Variants in FDPS observed in about 807,000 individuals in gnomAD.
FDPS encodes farnesyl diphosphate synthase, also known as farnesyl pyrophosphate synthase.
A neutral mutation model predicts 49.5 loss-of-function variants in FDPS; 29 were observed. The observed-to-expected ratio is 0.59, with a 90% CI of 0.44 to 0.80. FDPS has a LOEUF of 0.80. Among genes scored for constraint, FDPS ranks in the 30% least tolerant of loss-of-function variants. FDPS has a pLI of 0.00. For missense variants in FDPS, 414 were observed against 525.6 expected (o/e 0.79, Z 2.08); for synonymous variants, 172 against 206.4 (o/e 0.83, Z 1.43).
chr1:155,308,981 T>C lies in FDPS; in HGVS notation c.-2+16T>C, dbSNP rs958165336. ...CTGGGAACAGGTGAGAGAGGATGTG[T>C]GCTGGGCCTTGGAGGAAGGGGGCCG... On this transcript the variant is annotated intron_variant, in intron 1 of 10. Coordinates refer to ENST00000368356, the MANE Select transcript of FDPS (RefSeq NM_002004.4). The C allele has an allele frequency of 6.5e-6, 1 of 152,766 alleles. No individual in the cohort carries two copies. The highest frequency in any genetic ancestry group is 1.5e-5 in the Non-Finnish European group (1 of 68,434). The allele number at this position is 152,766 out of a possible 1,614,324, so 9.5% of individuals were successfully genotyped here. A position where few individuals can be genotyped will look rare whatever the true frequency, so the allele number is the denominator to read the frequency against.
At chr1:155,316,170 G>A (rs1475742437) in intron 4 of FDPS, among the ~76,000 whole-genome samples, 4 of 150,906 alleles carry the variant, frequency 2.7e-5, no homozygotes, top group African/African-American at 7.3e-5. Context: ...CAGGAGAATC[G>A]CGTGAACCCG....
intron 3 of FDPS, among the ~76,000 whole-genome samples, chr1:155,310,676 TACTC>T (rs1277956274): frequency 6.6e-6 from 1 of 152,150 alleles, no homozygotes; most frequent in Non-Finnish European, 1.5e-5. Flanking sequence ...CAAGTATACT[TACTC>T]AGTCCATCAA....
At chr1:155,312,553 T>G in intron 4 of FDPS, 158 bp downstream of exon 4, 2 of 732,140 alleles carry the variant, frequency 2.7e-6, no homozygotes, top group Non-Finnish European at 4.5e-6. Context: ...CTCCAAGGGT[T>G]AACTAATGTG....
intron 4 of FDPS, among the ~76,000 whole-genome samples, chr1:155,313,853 C>T (rs1649044188): frequency 6.6e-6 from 1 of 152,012 alleles, no homozygotes; most frequent in Admixed American, 6.6e-5. Context: ...GAGTCTCTCT[C>T]TGTTGCCCAG....
chr1:155,320,075 C>A, intron 10 of FDPS, 147 bp downstream of exon 10: 1 of 917,306 alleles, frequency 1.1e-6, no homozygotes, highest in Non-Finnish European at 1.7e-6. Context: ...TGTGTGTGTG[C>A]ATGTGGTACA....
In FDPS at chr1:155,318,207, C is replaced by G; in HGVS notation, c.600C>G (p.Leu200=). The change falls in exon 6 of 11, where the codon CTC becomes CTG. Residue 200 remains leucine (L), a synonymous_variant. Transcript: ENST00000368356. This position sits in a 1 kb window ranked among gnomAD's most constrained non-coding sequence, Gnocchi z 4.2. ...VGLDAINDAN[L]LEACIYRLLK... is the part of the protein sequence containing the mutation. Reference sequence around the variant, plus strand: ...TGGATGCCATCAATGATGCTAACCTCCTGGAAGCATGTATCTACCGCCTGC... The same window carrying G: ...TGGATGCCATCAATGATGCTAACCTGCTGGAAGCATGTATCTACCGCCTGC... 1 of 1,614,058 alleles carries G rather than the reference C, an allele frequency of 6.2e-7. No individual in the cohort carries two copies. Among genetic ancestry groups the G allele is most frequent in the South Asian group, 1.1e-5 (1 of 91,082 alleles).
rs528642232 is a variant in FDPS at position 155,309,167 on chromosome 1, C to G, written c.-2+202C>G. 2.6e-5 allele frequency: 4 copies of G among 152,766 alleles called. No homozygotes were observed. In the South Asian group the frequency reaches 8.3e-4, roughly 32 times the overall value. The allele number at this position is 152,766 out of a possible 1,614,324, so 9.5% of individuals were successfully genotyped here. ...TCCTGGAATCCCCAATATGCCCGGA[C>G]CCCGGTTTACTCCTTTGCTGCGAGC... On this transcript the variant is annotated intron_variant, in intron 1 of 10. Coordinates refer to ENST00000368356, the MANE Select transcript of FDPS (RefSeq NM_002004.4).
At chr1:155,315,493 C>A (rs1032036319) in intron 4 of FDPS, among the ~76,000 whole-genome samples, 1 of 152,116 alleles carries the variant, frequency 6.6e-6, no homozygotes, top group Non-Finnish European at 1.5e-5. Context: ...TCCTGGCTAA[C>A]ATGGTGAAAC....
chr1:155,318,712 C>T lies in FDPS; in HGVS notation c.732C>T (p.Ala244=), dbSNP rs777463568. ...GGCAGACCCTGGACCTCCTCACAGC[C>T]CCCCAGGGCAATGTGGATCTTGTCA... ...EIGQTLDLLT[A]PQGNVDLVRF... is the part of the protein sequence containing the mutation. The change falls in exon 7 of 11, where the codon GCC becomes GCT. Residue 244 remains alanine (A), a synonymous_variant. Transcript: ENST00000368356. The surrounding 1 kb of genome is among the most constrained non-coding windows in gnomAD (Gnocchi z 4.2). 7 of 1,613,656 alleles carry T rather than the reference C, an allele frequency of 4.3e-6. No individual in the cohort carries two copies. The South Asian group carries it at 5.5e-5, about 13-fold the overall frequency.
At position 155,309,962 on chromosome 1, in the gene FDPS, C is replaced by T. The variant is rs545636677; in HGVS notation, c.173C>T (p.Pro58Leu). The T allele has an allele frequency of 1.0e-5, 16 of 1,607,674 alleles. No individual in the cohort carries two copies. The highest frequency in any genetic ancestry group is 3.3e-5 in the South Asian group (3 of 90,844). The stretch of plus-strand genomic sequence containing the variant: ...TGGTGCCAAGCGTGGACAGAGGAAC[C>T]TCGGTGAGTGTGGTTGGGGTGAGGG... ...RCWCQAWTEE[P>L]RALCSSLRMN... is the part of the protein sequence containing the mutation. Residue 58 changes from proline to leucine, a missense_variant, in exon 2 of 11, where the codon CCT (proline) becomes CTT (leucine). By Grantham distance (98) the Pro-to-Leu change is moderately conservative. Coordinates refer to ENST00000368356, the MANE Select transcript of FDPS (RefSeq NM_002004.4).
At chr1:155,316,251 A>G (rs371901507) in intron 4 of FDPS, among the ~76,000 whole-genome samples, 1 of 152,164 alleles carries the variant, frequency 6.6e-6, no homozygotes, top group African/African-American at 2.4e-5. Context: ...GTGAAACTCC[A>G]TCTCAAAAAC....
At chr1:155,312,448 G>A in intron 4 of FDPS, 53 bp downstream of exon 4, 1 of 1,574,842 alleles carries the variant, frequency 6.3e-7, no homozygotes, top group East Asian at 2.3e-5. Flanking sequence ...TGGTGACTTG[G>A]GTGGGAAGGG....
At chr1:155,316,018 G>A (rs1649345628) in intron 4 of FDPS, among the ~76,000 whole-genome samples, 1 of 152,174 alleles carries the variant, frequency 6.6e-6, no homozygotes, top group Non-Finnish European at 1.5e-5. Flanking sequence ...ACTTTGGGAG[G>A]CCAAGGTGGA....
At chr1:155,317,684 TA>T (rs372848001) in intron 4 of FDPS, 13,238 of 272,662 alleles carry the variant, frequency 0.049, 15 homozygotes, top group South Asian at 0.063. Context: ...AAAAATAAAT[TA>T]AAAAAAAAAA....
chr1:155,320,563 C>A lies in FDPS; in HGVS notation c.1214C>A (p.Ala405Asp). Residue 405 changes from alanine to aspartate, a missense_variant, in exon 11 of 11, where the codon GCC becomes GAC. Transcript: ENST00000368356. ...CAGTACGCAGCACCCCTGCCCCCAG[C>A]CGTCTTTCTGGGGCTTGCGCGCAAA... ...IEQYAAPLPP[A>D]VFLGLARKIY... is the part of the protein sequence containing the mutation. 6.2e-7 allele frequency: 1 copy of A among 1,614,190 alleles called. No homozygotes were observed. The highest frequency in any genetic ancestry group is 8.5e-7 in the Non-Finnish European group (1 of 1,180,028).
rs764056657 is a variant in FDPS at position 155,318,255 on chromosome 1, G to A, written c.648G>A (p.Gln216=). Residue 216 remains glutamine, a synonymous_variant, in exon 6 of 11, where the codon CAG becomes CAA. Coordinates refer to ENST00000368356, the MANE Select transcript of FDPS (RefSeq NM_002004.4). The surrounding 1 kb of genome is among the most constrained non-coding windows in gnomAD (Gnocchi z 4.2). ...TGCTGAAGCTCTATTGCCGGGAGCAGCCCTATTACCTGAACCTGATCGAGC... is the reference window on the plus strand; with the variant it reads ...TGCTGAAGCTCTATTGCCGGGAGCAACCCTATTACCTGAACCTGATCGAGC... ...YRLLKLYCRE[Q]PYYLNLIELF... 6.2e-7 allele frequency: 1 copy of A among 1,613,568 alleles called. No homozygotes were observed. Among genetic ancestry groups the A allele is most frequent in the East Asian group, 2.2e-5 (1 of 44,882 alleles).
intron 10 of FDPS, 72 bp downstream of exon 10, chr1:155,320,000 G>A: frequency 1.9e-6 from 3 of 1,552,668 alleles, no homozygotes; most frequent in Non-Finnish European, 2.6e-6. Context: ...ACTAGAGGCA[G>A]TTTTCCTCCC....
chr1:155,318,376 G>A lies in FDPS; in HGVS notation c.684+85G>A, dbSNP rs1649746470. On this transcript the variant is annotated intron_variant, in intron 6 of 10. Coordinates refer to ENST00000368356, the MANE Select transcript of FDPS (RefSeq NM_002004.4). This position sits in a 1 kb window ranked among gnomAD's most constrained non-coding sequence, Gnocchi z 4.2. ...GGACATGCTCATCTAGCTGGTTTCAGGGTACAGGATTGCAGCGTGCCTGGA... is the reference window on the plus strand; with the variant it reads ...GGACATGCTCATCTAGCTGGTTTCAAGGTACAGGATTGCAGCGTGCCTGGA... 1 of 1,559,022 alleles carries A rather than the reference G, an allele frequency of 6.4e-7. No individual in the cohort carries two copies. The highest frequency in any genetic ancestry group is 8.7e-7 in the Non-Finnish European group (1 of 1,144,614).
At chr1:155,314,471 G>A (rs904086006) in intron 4 of FDPS, among the ~76,000 whole-genome samples, 2 of 151,622 alleles carry the variant, frequency 1.3e-5, no homozygotes, top group Admixed American at 6.6e-5. Context: ...GAGCCACCAC[G>A]CCTGGTCTAA....
Sources: gnomAD v4.1 joint callset for allele counts (sites outside exome capture counted in the v4.1 genomes callset) on GRCh38, gnomAD v4.1.1 for gene constraint, Gnocchi (gnomAD v3.1) non-coding constraint, MANE v1.5 for transcripts, NCBI Gene and HGNC (gene_info 2026-07-23, HGNC 2026-07-21) for gene names.